RAB30: variants seen among roughly 807,000 people sequenced by gnomAD.
The protein encoded by RAB30 is RAB30, member RAS oncogene family, also known as ras-related protein Rab-30.
RAB30 carries 9 observed loss-of-function variants against 25.1 expected under a neutral mutation model. The ratio of observed to expected loss-of-function variants is 0.36; its 90% CI spans 0.22 to 0.63. RAB30 has a LOEUF of 0.63. Ranked by LOEUF, RAB30 falls within the 20% of genes least tolerant of loss-of-function variation. The pLI, the probability that RAB30 is intolerant of heterozygous loss-of-function variation, is 0.69. For synonymous variants in RAB30, 77 were observed against 86.4 expected, an observed-to-expected ratio of 0.89 and a Z score of 0.60; for missense variants, 140 against 243.5, an observed-to-expected ratio of 0.58 and a Z score of 2.83.
intron 1 of RAB30, among the ~76,000 whole-genome samples, chr11:83,004,341 G>A (rs1244743043): frequency 1.3e-5 from 2 of 152,124 alleles, no homozygotes; most frequent in African/African-American, 4.8e-5. Context: ...ATATAAATTT[G>A]TTCCAAATAT....
At chr11:83,003,779 A>G (rs2121478048) in intron 1 of RAB30, among the ~76,000 whole-genome samples, 1 of 151,920 alleles carries the variant, frequency 6.6e-6, no homozygotes, top group Admixed American at 6.5e-5. Context: ...CAAATTTGTT[A>G]ATTTAAAAAA....
chr11:82,976,503 A>G lies in RAB30; in HGVS notation c.*5662T>C, dbSNP rs1590827234. On this transcript the variant is annotated 3_prime_UTR_variant, in exon 5 of 5. Transcript: ENST00000527633. ...CATCACTCTCCAAAGTGTCAAAGTC[A>G]GCAACCACCACCGATTCCGTCAGGA... is the stretch of plus-strand genomic sequence containing the variant. The G allele has an allele frequency of 2.0e-5, 3 of 152,316 alleles. No individual in the cohort carries two copies. The highest frequency in any genetic ancestry group is 3.4e-3 in the Middle Eastern group (1 of 294). 9.4% of individuals were successfully genotyped at this position (152,316 alleles called of 1,614,324 possible). A position where few individuals can be genotyped will look rare whatever the true frequency, so the allele number is the denominator to read the frequency against.
At chr11:83,041,194 T>TTA (rs35923458) in intron 1 of RAB30, 21 of 92,174 alleles carry the variant, frequency 2.3e-4, no homozygotes, top group Admixed American at 5.2e-4. Context: ...AAACTCTGTC[T>TTA]CAAAAAAAAA....
rs1250947680 is a variant in RAB30, at chr11:82,977,033, G to A, written c.*5132C>T. On this transcript the variant is annotated 3_prime_UTR_variant, in exon 5 of 5. Coordinates refer to ENST00000527633, the MANE Select transcript of RAB30 (RefSeq NM_001286060.2). Reference sequence around the variant, plus strand: ...AGTGACCCACCAGCCCATCTCTCTTGGGAGTTGGTCTGTTTGTGAGAACTT... The same window carrying A: ...AGTGACCCACCAGCCCATCTCTCTTAGGAGTTGGTCTGTTTGTGAGAACTT... The A allele has an allele frequency of 6.6e-6, 1 of 152,154 alleles. No homozygotes were observed. Among genetic ancestry groups the A allele is most frequent in the East Asian group, 1.9e-4 (1 of 5,196 alleles). The allele number at this position is 152,154 out of a possible 1,614,324, so 9.4% of individuals were successfully genotyped here.
chr11:83,026,126 G>A (rs1857706305), intron 1 of RAB30, among the ~76,000 whole-genome samples: 1 of 152,074 alleles, frequency 6.6e-6, no homozygotes, highest in South Asian at 2.1e-4. Context: ...GGGAGGTTGA[G>A]GCCACAGTGA....
Position 83,012,024 on chromosome 11 carries a change from G to A in RAB30, c.-8-14700C>T, listed in dbSNP as rs925176336. On this transcript the variant is annotated intron_variant, in intron 1 of 4. Transcript: ENST00000527633. ...CTGAGTCTGTTGTCACCACTGAGGG[G>A]CTCAGTTTCTGCAGGAGTGTGATAC... 3.3e-5 allele frequency among the ~76,000 whole-genome samples: 5 copies of A among 152,164 alleles called. No individual in the cohort carries two copies. The East Asian group carries it at 5.8e-4, about 18-fold the overall frequency.
At chr11:83,002,269 CTG>C (rs1857103073) in intron 1 of RAB30, among the ~76,000 whole-genome samples, 1 of 152,206 alleles carries the variant, frequency 6.6e-6, no homozygotes, top group Admixed American at 6.5e-5. Context: ...GAGCCAGACA[CTG>C]ACTTCAGATT....
At chr11:83,060,517 C>T (rs7115989) in intron 1 of RAB30, among the ~76,000 whole-genome samples, 3,972 of 152,194 alleles carry the variant, frequency 0.026, 142 homozygotes, top group African/African-American at 0.082. Context: ...AGTGATGTTA[C>T]AAACTGACAT....
At chr11:83,041,475 A>G (rs1565286850) in intron 1 of RAB30, 2 of 214,632 alleles carry the variant, frequency 9.3e-6, no homozygotes, top group Non-Finnish European at 2.0e-5. Context: ...GCTGTCTCCA[A>G]GGTCCTTTAG....
chr11:83,008,303 C>T (rs990936172), intron 1 of RAB30, among the ~76,000 whole-genome samples: 10 of 152,166 alleles, frequency 6.6e-5, no homozygotes, highest in Admixed American at 1.3e-4. Context: ...AGGCTGGACC[C>T]CTCCTTCAGC....
At chr11:83,062,159 T>C (rs1047816341) in intron 1 of RAB30, among the ~76,000 whole-genome samples, 1 of 152,176 alleles carries the variant, frequency 6.6e-6, no homozygotes, top group Non-Finnish European at 1.5e-5. Context: ...CTAGGGTCTA[T>C]ATCTGCATTT....
At chr11:83,070,232 T>G (rs1858802951) in intron 1 of RAB30, among the ~76,000 whole-genome samples, 1 of 152,318 alleles carries the variant, frequency 6.6e-6, no homozygotes, top group East Asian at 1.9e-4. Flanking sequence ...AAAGGCTAAC[T>G]GTTGATCTTT....
intron 1 of RAB30, among the ~76,000 whole-genome samples, chr11:83,061,246 CTCTG>C (rs1858569097): frequency 6.6e-6 from 1 of 152,184 alleles, no homozygotes; most frequent in Non-Finnish European, 1.5e-5. Flanking sequence ...CTCCCTCTCT[CTCTG>C]TCTATCCATC....
At chr11:82,984,456 C>T (rs1004010986) in intron 4 of RAB30, among the ~76,000 whole-genome samples, 9 of 152,172 alleles carry the variant, frequency 5.9e-5, no homozygotes, top group African/African-American at 2.2e-4. Flanking sequence ...ACGTGGACTG[C>T]TACTGGGATT....
chr11:83,042,875 T>C (rs983707023), intron 1 of RAB30, among the ~76,000 whole-genome samples: 6 of 152,224 alleles, frequency 3.9e-5, no homozygotes, highest in South Asian at 2.1e-4. Context: ...GAGACTCCTA[T>C]AGATTTAGAG....
At chr11:83,016,261 G>T (rs1387446268) in intron 1 of RAB30, among the ~76,000 whole-genome samples, 2 of 152,136 alleles carry the variant, frequency 1.3e-5, no homozygotes, top group Non-Finnish European at 2.9e-5. Flanking sequence ...ATTAGAATTG[G>T]GGGAGTGGAG....
chr11:83,066,532 A>G (rs577237178), intron 1 of RAB30, among the ~76,000 whole-genome samples: 22 of 152,214 alleles, frequency 1.4e-4, no homozygotes, highest in African/African-American at 5.1e-4. Flanking sequence ...AAAATATCTC[A>G]AAAGCTGAAA....
intron 1 of RAB30, chr11:83,034,627 TG>T (rs1433540100): frequency 6.6e-6 from 1 of 152,168 alleles, no homozygotes; most frequent in Non-Finnish European, 1.5e-5. Flanking sequence ...TGCCCACAGC[TG>T]CATACAAGGC....
intron 1 of RAB30, among the ~76,000 whole-genome samples, chr11:83,023,545 T>C (rs1364768829): frequency 1.3e-5 from 2 of 152,110 alleles, no homozygotes; most frequent in Admixed American, 6.6e-5. Flanking sequence ...CTTCATCCTA[T>C]CTCCCCTGCA....
Sources: gnomAD v4.1 joint callset for allele counts (sites outside exome capture counted in the v4.1 genomes callset) on GRCh38, gnomAD v4.1.1 for gene constraint, MANE v1.5 for transcripts, NCBI Gene and HGNC (gene_info 2026-07-23, HGNC 2026-07-21) for gene names.